The following PCDHA10 variants were observed in gnomAD, a reference collection of about 807,000 sequenced individuals.
PCDHA10 encodes protocadherin alpha 10.
PCDHA10 carries 45 observed loss-of-function variants against 61.2 expected under a neutral mutation model. That is an observed-to-expected ratio of 0.74 (90% CI 0.58 to 0.94). The LOEUF (loss-of-function observed/expected upper bound fraction) is 0.94. Among genes scored for constraint, PCDHA10 ranks in the 40% least tolerant of loss-of-function variants. The pLI is 0.00. For missense variants in PCDHA10, 1,278 were observed against 1,236.2 expected, an observed-to-expected ratio of 1.03 and a Z score of -0.51; for synonymous variants, 602 against 548.8, an observed-to-expected ratio of 1.10 and a Z score of -1.35.
intron 3 of PCDHA10, among the ~76,000 whole-genome samples, chr5:141,005,280 C>T (rs2098203817): frequency 6.6e-6 from 1 of 152,180 alleles, no homozygotes; most frequent in Non-Finnish European, 1.5e-5. Context: ...GGTGAATAAA[C>T]AGATACATTT....
At chr5:140,965,403 T>G (rs1241477329) in intron 1 of PCDHA10, among the ~76,000 whole-genome samples, 1 of 151,946 alleles carries the variant, frequency 6.6e-6, no homozygotes, top group Admixed American at 6.6e-5. Flanking sequence ...GTCTAAGGAG[T>G]CTTATATTTA....
At chr5:140,971,958 C>G (rs2096508715) in intron 1 of PCDHA10, among the ~76,000 whole-genome samples, 1 of 152,054 alleles carries the variant, frequency 6.6e-6, no homozygotes, top group Non-Finnish European at 1.5e-5. Context: ...ACTCCAAAAA[C>G]TTTTTTTCAA....
intron 1 of PCDHA10, chr5:140,861,171 A>G (rs2046785081): frequency 6.3e-6 from 1 of 158,188 alleles, no homozygotes; most frequent in Non-Finnish European, 1.4e-5. Flanking sequence ...TCTCAGAGGA[A>G]CTAAGTCTTT....
intron 1 of PCDHA10, among the ~76,000 whole-genome samples, chr5:140,907,240 A>G (rs563432322): frequency 5.3e-5 from 8 of 152,310 alleles, no homozygotes; most frequent in Admixed American, 5.2e-4. Context: ...CCTAGTTGAC[A>G]TTGTAATTGT....
intron 3 of PCDHA10, among the ~76,000 whole-genome samples, chr5:140,992,981 A>T (rs532135754): frequency 5.3e-5 from 8 of 152,232 alleles, no homozygotes; most frequent in Admixed American, 1.3e-4. Flanking sequence ...TGATTAGGCC[A>T]TGGGACCCAT....
chr5:140,883,306 C>T (rs2059544095), intron 1 of PCDHA10: 2 of 1,614,050 alleles, frequency 1.2e-6, no homozygotes, highest in Non-Finnish European at 8.5e-7. Context: ...TAAATGATAA[C>T]GCCCCAGAGG....
chr5:140,933,300 A>G (rs541308392), intron 1 of PCDHA10, among the ~76,000 whole-genome samples: 41 of 152,132 alleles, frequency 2.7e-4, no homozygotes, highest in African/African-American at 9.4e-4. Context: ...ATCTGGAAAT[A>G]AATATGCAAT....
At chr5:140,993,031 C>T (rs186292405) in intron 3 of PCDHA10, among the ~76,000 whole-genome samples, 19 of 152,274 alleles carry the variant, frequency 1.2e-4, no homozygotes, top group Non-Finnish European at 1.8e-4. Context: ...CTGTGGGCTC[C>T]GTGTGTCATC....
intron 1 of PCDHA10, chr5:140,863,615 T>C (rs1290782399): frequency 1.2e-5 from 4 of 339,092 alleles, no homozygotes; most frequent in South Asian, 4.8e-5. Context: ...ATGTCCCTCA[T>C]AGTGACATTG....
intron 1 of PCDHA10, among the ~76,000 whole-genome samples, chr5:140,890,160 C>T (rs1554184178): frequency 1.3e-5 from 2 of 152,246 alleles, no homozygotes; most frequent in East Asian, 3.9e-4. Context: ...AGTATTTCTG[C>T]CACAGAAATA....
intron 1 of PCDHA10, among the ~76,000 whole-genome samples, chr5:140,891,954 G>C (rs782159289): frequency 4.6e-5 from 7 of 152,318 alleles, no homozygotes; most frequent in Admixed American, 6.5e-5. Flanking sequence ...CTCCAGAATT[G>C]TGAGAAGTAA....
At chr5:140,859,448 G>C (rs1434508059) in intron 1 of PCDHA10, 1 of 222,132 alleles carries the variant, frequency 4.5e-6, no homozygotes, top group African/African-American at 2.3e-5. Flanking sequence ...CTTAGTTGCA[G>C]AGTGACAAAA....
At chr5:140,917,337 G>GA (rs1240219857) in intron 1 of PCDHA10, among the ~76,000 whole-genome samples, 3 of 142,560 alleles carry the variant, frequency 2.1e-5, no homozygotes, top group Non-Finnish European at 4.7e-5. Context: ...GGGAGGGGGG[G>GA]GATGGTGTAG....
chr5:140,947,131 G>A (rs994081159), intron 1 of PCDHA10, among the ~76,000 whole-genome samples: 10 of 151,080 alleles, frequency 6.6e-5, no homozygotes, highest in African/African-American at 2.2e-4. Context: ...AATAAAAATA[G>A]TAAAATGTAT....
intron 1 of PCDHA10, among the ~76,000 whole-genome samples, chr5:140,894,553 T>G (rs2064537673): frequency 6.6e-6 from 1 of 152,008 alleles, no homozygotes; most frequent in South Asian, 2.1e-4. Flanking sequence ...TGTTTACTTC[T>G]GAAAAAATTA....
intron 1 of PCDHA10, chr5:140,869,694 G>A (rs782372405): frequency 6.2e-7 from 1 of 1,613,394 alleles, no homozygotes; most frequent in Non-Finnish European, 8.5e-7. Flanking sequence ...TTATTTTAAA[G>A]AAGTCTCTGG....
intron 3 of PCDHA10, 49 bp downstream of exon 3, chr5:140,982,612 C>A (rs782489208): frequency 6.3e-7 from 1 of 1,599,358 alleles, no homozygotes; most frequent in Admixed American, 1.7e-5. Context: ...GGAAAGTGAT[C>A]AGATGACCTA....
chr5:140,901,100 C>G (rs1172808892), intron 1 of PCDHA10, among the ~76,000 whole-genome samples: 1 of 152,002 alleles, frequency 6.6e-6, no homozygotes, highest in East Asian at 1.9e-4. Flanking sequence ...CTTCTACATT[C>G]TGGTTATTCA....
rs782403060 is a variant in PCDHA10 at position 140,858,280 on chromosome 5, G to A, written c.2232G>A (p.Gly744=). The change falls in exon 1 of 4, where the codon GGG becomes GGA. Residue 744 remains glycine, a synonymous_variant. Coordinates refer to ENST00000307360, the MANE Select transcript of PCDHA10 (RefSeq NM_018901.4). ...KPTLVCSSAV[G]SWSYSQQRRQ... ...CGCTGGTGTGCTCTAGCGCGGTGGG[G>A]AGCTGGTCTTACTCGCAGCAGAGGC... 6.9e-6 allele frequency: 11 copies of A among 1,597,460 alleles called. No homozygotes were observed. Among genetic ancestry groups the A allele is most frequent in the Non-Finnish European group, 5.1e-6 (6 of 1,167,262 alleles).
Sources: gnomAD v4.1 joint callset for allele counts (sites outside exome capture counted in the v4.1 genomes callset) on GRCh38, gnomAD v4.1.1 for gene constraint, MANE v1.5 for transcripts, NCBI Gene and HGNC (gene_info 2026-07-23, HGNC 2026-07-21) for gene names.